TAFA1: variants seen among roughly 807,000 people sequenced by gnomAD.
TAFA1 encodes TAFA chemokine like family member 1.
A neutral mutation model predicts 18.5 loss-of-function variants in TAFA1; 4 were observed. That is an observed-to-expected ratio of 0.22 (90% CI 0.11 to 0.49). The LOEUF is 0.49. Among genes scored for constraint, TAFA1 ranks in the 20% least tolerant of loss-of-function variants. The pLI is 0.98. For missense variants in TAFA1, 147 were observed against 169.0 expected (o/e 0.87, Z 0.72); for synonymous variants, 56 against 55.2 (o/e 1.01, Z -0.06).
At chr3:68,372,584 T>C (rs2069732787) in intron 2 of TAFA1, among the ~76,000 whole-genome samples, 2 of 152,182 alleles carry the variant, frequency 1.3e-5, no homozygotes, top group South Asian at 4.1e-4. Flanking sequence ...TAGCCTAGCA[T>C]GCAACCAGCA....
At chr3:68,480,584 A>G (rs745373659) in intron 3 of TAFA1, among the ~76,000 whole-genome samples, 3 of 152,100 alleles carry the variant, frequency 2.0e-5, no homozygotes, top group Non-Finnish European at 2.9e-5. Flanking sequence ...CCCTTCTAGT[A>G]TTTTATGAAC....
chr3:68,297,374 A>G (rs1485945730), intron 2 of TAFA1, among the ~76,000 whole-genome samples: 1 of 152,162 alleles, frequency 6.6e-6, no homozygotes, highest in Non-Finnish European at 1.5e-5. Context: ...AGTCTTCAGA[A>G]TAGCCACTCT....
intron 3 of TAFA1, among the ~76,000 whole-genome samples, chr3:68,453,733 G>A (rs987960816): frequency 4.6e-5 from 7 of 152,196 alleles, no homozygotes; most frequent in African/African-American, 1.7e-4. Flanking sequence ...CTATTTGTCA[G>A]GGTGAATGCT....
intron 2 of TAFA1, among the ~76,000 whole-genome samples, chr3:68,336,377 T>C (rs6792971): frequency 0.085 from 12,913 of 152,236 alleles, 657 homozygotes; most frequent in East Asian, 0.27. Context: ...TGATACTACT[T>C]ACCTCTGATG....
At chr3:68,288,262 G>A (rs1431531882) in intron 2 of TAFA1, among the ~76,000 whole-genome samples, 4 of 152,168 alleles carry the variant, frequency 2.6e-5, no homozygotes, top group Non-Finnish European at 5.9e-5. Context: ...CCAGGCCCAC[G>A]TGGATCCCTG....
At chr3:68,192,968 A>T (rs1475044136) in intron 2 of TAFA1, among the ~76,000 whole-genome samples, 2 of 151,906 alleles carry the variant, frequency 1.3e-5, no homozygotes, top group Non-Finnish European at 2.9e-5. Context: ...AAAACATACA[A>T]AGCAAAGTTG....
chr3:68,466,040 T>TA (rs1441075644), intron 3 of TAFA1, among the ~76,000 whole-genome samples: 1 of 152,180 alleles, frequency 6.6e-6, no homozygotes, highest in Non-Finnish European at 1.5e-5. Context: ...TTGTTGAGTG[T>TA]ATCAGGCTTT....
intron 2 of TAFA1, among the ~76,000 whole-genome samples, chr3:68,010,606 A>G (rs1335085670): frequency 6.6e-6 from 1 of 152,170 alleles, no homozygotes; most frequent in Non-Finnish European, 1.5e-5. Context: ...GTCTCTAACT[A>G]CTTCCTATTT....
At chr3:68,001,215 G>GT (rs1340551501), upstream of TAFA1, among the ~76,000 whole-genome samples, 3 of 152,126 alleles carry the variant, frequency 2.0e-5, no homozygotes, top group African/African-American at 7.2e-5. Context: ...AATGAGAAGC[G>GT]TAAGAACAAA....
rs773025236 is a variant in TAFA1, at chr3:68,305,409, CTATATATATATATATATATATA to C, written c.119-111844_119-111823del. 2.3e-3 allele frequency among the ~76,000 whole-genome samples: 86 copies of C among 38,200 alleles called. 2 individuals are homozygous for C. The highest frequency in any genetic ancestry group is 2.8e-3 in the Non-Finnish European group (61 of 21,666). 25.1% of individuals were successfully genotyped at this position (38,200 alleles called of 152,430 possible). On this transcript the variant is annotated intron_variant, in intron 2 of 4. Transcript: ENST00000478136. The stretch of plus-strand genomic sequence containing the variant: ...TATATGACTATATATGACTATATGA[CTATATATATATATATATATATA>C]TATATATATATATATATATATATAT...
chr3:68,126,775 A>G (rs2106872331), intron 2 of TAFA1, among the ~76,000 whole-genome samples: 1 of 152,360 alleles, frequency 6.6e-6, no homozygotes, highest in South Asian at 2.1e-4. Context: ...AATTGGCCAC[A>G]CATTTTACTT....
chr3:68,383,838 T>C (rs2070033132), intron 2 of TAFA1, among the ~76,000 whole-genome samples: 1 of 152,126 alleles, frequency 6.6e-6, no homozygotes. Context: ...GGCCATTAAT[T>C]ACTGATTTAA....
intron 2 of TAFA1, among the ~76,000 whole-genome samples, chr3:68,178,010 G>T (rs113434043): frequency 6.6e-6 from 1 of 152,058 alleles, no homozygotes; most frequent in African/African-American, 2.4e-5. Context: ...CTGGTGTGGT[G>T]GTGGGCGCCT....
intron 2 of TAFA1, among the ~76,000 whole-genome samples, chr3:68,024,129 A>G (rs1704760359): frequency 6.6e-6 from 1 of 152,150 alleles, no homozygotes; most frequent in South Asian, 2.1e-4. Context: ...ATATTTTTAT[A>G]TTATCCTAAG....
At chr3:68,250,047 G>A (rs566307441) in intron 2 of TAFA1, among the ~76,000 whole-genome samples, 2 of 152,264 alleles carry the variant, frequency 1.3e-5, no homozygotes, top group South Asian at 4.1e-4. Flanking sequence ...ATTTATTAAT[G>A]TTAAGTCATA....
In TAFA1 at chr3:68,512,677, GTTTTTTGT is replaced by G. The variant is rs746482689; in HGVS notation, c.260-26076_260-26069del. On this transcript the variant is annotated intron_variant, in intron 3 of 4. Coordinates refer to ENST00000478136, the MANE Select transcript of TAFA1 (RefSeq NM_213609.4). ...AAGAGTTCTGGGTGGTTTTTTGCTG[GTTTTTTGT>G]TTGTTTGTTTGTTTGTTTGTTTGTT... 1.4e-4 allele frequency among the ~76,000 whole-genome samples: 15 copies of G among 110,108 alleles called. 1 individual carries two copies. In the South Asian group the frequency reaches 1.4e-3, roughly 10 times the overall value. 72.2% of individuals were successfully genotyped at this position (110,108 alleles called of 152,430 possible).
chr3:68,512,970 G>C (rs550616556), intron 3 of TAFA1, among the ~76,000 whole-genome samples: 142 of 152,242 alleles, frequency 9.3e-4, no homozygotes, highest in African/African-American at 3.2e-3. Context: ...ACCGTGCAAA[G>C]TGGGTGGTTC....
At chr3:68,521,856 G>GT (rs57372768) in intron 3 of TAFA1, among the ~76,000 whole-genome samples, 1,146 of 70,826 alleles carry the variant, frequency 0.016, 89 homozygotes, top group African/African-American at 0.052. Flanking sequence ...GTTTTTTTCT[G>GT]TTTTTTTTTT....
intron 2 of TAFA1, among the ~76,000 whole-genome samples, chr3:68,305,912 G>C (rs1366212653): frequency 6.6e-6 from 1 of 152,174 alleles, no homozygotes; most frequent in Non-Finnish European, 1.5e-5. Context: ...CAAGGCAGCT[G>C]TAAGTATTAA....
Sources: allele counts gnomAD v4.1 joint callset (sites outside exome capture counted in the v4.1 genomes callset), GRCh38; gene constraint gnomAD v4.1.1; transcripts MANE v1.5; gene names NCBI Gene and HGNC (gene_info 2026-07-23, HGNC 2026-07-21).